Variants in RFX7 observed in about 807,000 individuals in gnomAD.
The protein encoded by RFX7 is regulatory factor X7.
RFX7 carries 26 observed loss-of-function variants against 111.8 expected under a neutral mutation model. The observed-to-expected ratio is 0.23, with a 90% CI of 0.17 to 0.32. The LOEUF is 0.32. RFX7 is among the 10% of genes least tolerant of loss of function. The pLI is 1.00. For synonymous variants in RFX7, 624 were observed against 624.4 expected (o/e 1.00, Z 0.01); for missense variants, 1,573 against 1,772.9 (o/e 0.89, Z 2.02).
At chr15:56,244,781 G>A (rs909988726), upstream of RFX7, among the ~76,000 whole-genome samples, 3 of 151,996 alleles carry the variant, frequency 2.0e-5, no homozygotes, top group Admixed American at 6.5e-5. Context: ...TTTGGAGCCC[G>A]TTGAACACCC....
chr15:56,213,892 G>A (rs1320012424), intron 2 of RFX7, among the ~76,000 whole-genome samples: 1 of 152,064 alleles, frequency 6.6e-6, no homozygotes, highest in Non-Finnish European at 1.5e-5. Context: ...TATTTTTTAA[G>A]ATTTTCTTTT....
Position 56,093,639 on chromosome 15 carries a change from C to T in RFX7, c.4089G>A (p.Gln1363=). 1 of 1,613,864 alleles carries T rather than the reference C, an allele frequency of 6.2e-7. No homozygotes were observed. The change falls in exon 10 of 10, where the codon CAG becomes CAA. Residue 1363 remains glutamine (Q), a synonymous_variant. Coordinates refer to ENST00000559447, the MANE Select transcript of RFX7 (RefSeq NM_022841.7). ...CAGATGCTCCCTGACCTACCAGCTGCTGGTTGGTTTGCAAGCTGTCTCCAC... is the reference window on the plus strand; with the variant it reads ...CAGATGCTCCCTGACCTACCAGCTGTTGGTTGGTTTGCAAGCTGTCTCCAC... ...LLSGDSLQTN[Q]QLVGQGASDL... is the part of the protein sequence containing the mutation.
chr15:56,111,023 T>G (rs1216654157), intron 5 of RFX7, among the ~76,000 whole-genome samples: 3 of 55,278 alleles, frequency 5.4e-5, no homozygotes, highest in African/African-American at 1.2e-4. Flanking sequence ...GGGAGGGAGG[T>G]GGGGGGGTCA....
chr15:56,170,095 A>G (rs12101968), intron 3 of RFX7, among the ~76,000 whole-genome samples: 10,200 of 152,216 alleles, frequency 0.067, 1,090 homozygotes, highest in African/African-American at 0.22. Flanking sequence ...TTGATTCATT[A>G]GTTTATATTC....
At chr15:56,105,096 T>G (rs760959878) in intron 5 of RFX7, among the ~76,000 whole-genome samples, 16 of 152,012 alleles carry the variant, frequency 1.1e-4, no homozygotes, top group Non-Finnish European at 8.8e-5. Context: ...AAAAAGAAAA[T>G]GAGAATGAGG....
chr15:56,098,053 A>C, intron 9 of RFX7, 28 bp downstream of exon 9: 6 of 1,579,312 alleles, frequency 3.8e-6, no homozygotes, highest in Non-Finnish European at 5.2e-6. Flanking sequence ...CCATCCCAAT[A>C]AGGCCAAATA....
At chr15:56,175,804 T>TTGAGATATCTGGAA (rs1378420412) in intron 3 of RFX7, among the ~76,000 whole-genome samples, 1 of 152,042 alleles carries the variant, frequency 6.6e-6, no homozygotes, top group Non-Finnish European at 1.5e-5. Flanking sequence ...TATGAGAAGA[T>TTGAGATATCTGGAA]TGAGATATCT....
chr15:56,112,886 C>T (rs2041958652), intron 5 of RFX7, among the ~76,000 whole-genome samples: 1 of 152,006 alleles, frequency 6.6e-6, no homozygotes, highest in African/African-American at 2.4e-5. Flanking sequence ...ATGCAACCAA[C>T]AAAAATATGA....
chr15:56,202,825 G>C (rs1416419263), intron 2 of RFX7, among the ~76,000 whole-genome samples: 1 of 152,118 alleles, frequency 6.6e-6, no homozygotes, highest in Non-Finnish European at 1.5e-5. Context: ...AAAAGAAAAA[G>C]AAAGTATAAT....
At chr15:56,218,721 C>G (rs990849383) in intron 2 of RFX7, among the ~76,000 whole-genome samples, 8 of 152,180 alleles carry the variant, frequency 5.3e-5, no homozygotes, top group Admixed American at 5.2e-4. Flanking sequence ...CAAAAAAACT[C>G]TCTCAAATAA....
chr15:56,231,600 G>T (rs2043558517), intron 2 of RFX7, among the ~76,000 whole-genome samples: 1 of 152,108 alleles, frequency 6.6e-6, no homozygotes, highest in Non-Finnish European at 1.5e-5. Flanking sequence ...AGATTTGGGT[G>T]GGGGCAGAGC....
intron 3 of RFX7, among the ~76,000 whole-genome samples, chr15:56,149,007 C>T (rs112468221): frequency 0.023 from 3,389 of 150,384 alleles, 55 homozygotes; most frequent in Non-Finnish European, 0.035. Flanking sequence ...GGTGTGAACC[C>T]GGAAGGCGGA....
chr15:56,168,222 G>A (rs569764051), intron 3 of RFX7, among the ~76,000 whole-genome samples: 62 of 152,260 alleles, frequency 4.1e-4, no homozygotes, highest in African/African-American at 1.4e-3. Context: ...TATGAGGACT[G>A]AATGATAAAA....
In RFX7 at chr15:56,243,712, C is replaced by T. The variant is rs2043752358; in HGVS notation, c.-270G>A. ...GGATTTGGCGGCCAAGCCTTCCTTCCTTGTCCCCGGGGCTTTCTACTGCCG... is the reference window on the plus strand; with the variant it reads ...GGATTTGGCGGCCAAGCCTTCCTTCTTTGTCCCCGGGGCTTTCTACTGCCG... On this transcript the variant is annotated 5_prime_UTR_variant, in exon 1 of 10. Transcript: ENST00000559447. Among the ~76,000 whole-genome samples, 1 of 151,546 alleles carries T rather than the reference C, an allele frequency of 6.6e-6. No homozygotes were observed. The highest frequency in any genetic ancestry group is 6.6e-5 in the Admixed American group (1 of 15,246).
chr15:56,154,755 G>A, intron 3 of RFX7, among the ~76,000 whole-genome samples: 1 of 152,116 alleles, frequency 6.6e-6, no homozygotes. Flanking sequence ...CAAAAGCAAT[G>A]GCAACAAAAG....
chr15:56,088,094 T>C lies in RFX7; in HGVS notation c.*5251A>G, dbSNP rs572057808. 1 of 217,482 alleles carries C rather than the reference T, an allele frequency of 4.6e-6. No homozygotes were observed. The highest frequency in any genetic ancestry group is 5.4e-5 in the South Asian group (1 of 18,514). The allele number at this position is 217,482 out of a possible 1,614,324, so 13.5% of individuals were successfully genotyped here. On this transcript the variant is annotated 3_prime_UTR_variant, in exon 10 of 10. Coordinates refer to ENST00000559447, the MANE Select transcript of RFX7 (RefSeq NM_022841.7). ...AAAATGAAAAAGAATTGTTGACATA[T>C]AAGGATGGGAGGTTAAATAAAGAAC...
intron 2 of RFX7, 62 bp downstream of exon 2, chr15:56,243,063 A>AATT: frequency 1.8e-6 from 1 of 543,646 alleles, no homozygotes; most frequent in Non-Finnish European, 3.1e-6. Context: ...GCCGCCCCCC[A>AATT]CCCACTTTGC....
At chr15:56,138,732 A>G (rs2042343658) in intron 5 of RFX7, among the ~76,000 whole-genome samples, 1 of 152,166 alleles carries the variant, frequency 6.6e-6, no homozygotes, top group Non-Finnish European at 1.5e-5. Flanking sequence ...ACATTTTGGC[A>G]TGATTTTGCA....
In RFX7 at chr15:56,093,398, CTGA is replaced by C; in HGVS notation, c.4327_4329del (p.Ser1443del). ...TCCTTGCTTTCTATCCATTCAAAAC[CTGA>C]TGAAGTCATAGAATTCATGGATTCA... is the stretch of plus-strand genomic sequence containing the variant. On this transcript the variant is annotated inframe_deletion, in exon 10 of 10. Transcript: ENST00000559447. The C allele has an allele frequency of 6.2e-7, 1 of 1,613,456 alleles. No individual in the cohort carries two copies. Among genetic ancestry groups the C allele is most frequent in the Non-Finnish European group, 8.5e-7 (1 of 1,179,622 alleles).
Sources: allele counts gnomAD v4.1 joint callset (sites outside exome capture counted in the v4.1 genomes callset), GRCh38; gene constraint gnomAD v4.1.1; transcripts MANE v1.5; gene names NCBI Gene and HGNC (gene_info 2026-07-23, HGNC 2026-07-21).